The following COG6 variants were observed in gnomAD, a reference collection of about 807,000 sequenced individuals.
The protein encoded by COG6 is conserved oligomeric Golgi complex subunit 6.
COG6 carries 74 observed loss-of-function variants against 88.8 expected under a neutral mutation model. The ratio of observed to expected loss-of-function variants is 0.83; its 90% CI spans 0.69 to 1.01. COG6 has a LOEUF of 1.01. Ranked by LOEUF, COG6 falls within the 50% of genes least tolerant of loss-of-function variation. COG6 has a pLI of 0.00. For synonymous variants in COG6, 286 were observed against 278.7 expected, an observed-to-expected ratio of 1.03 and a Z score of -0.26; for missense variants, 800 against 797.9, an observed-to-expected ratio of 1.00 and a Z score of -0.03.
chr13:39,735,339 C>A (rs1376731889), intron 18 of COG6, among the ~76,000 whole-genome samples: 1 of 152,126 alleles, frequency 6.6e-6, no homozygotes, highest in Non-Finnish European at 1.5e-5. Flanking sequence ...AAACTGACAA[C>A]AACTTAACAT....
rs5803006 is a variant in COG6 at position 39,694,955 on chromosome 13, G to GCA, written c.1166+264_1166+265dup. Among the ~76,000 whole-genome samples, 64,288 of 142,276 alleles carry GCA rather than the reference G, an allele frequency of 0.45. 14,310 individuals are homozygous for GCA. The highest frequency in any genetic ancestry group is 0.6 in the Admixed American group (8,362 of 13,970). The allele number at this position is 142,276 out of a possible 152,430, so 93.3% of individuals were successfully genotyped here. A position where few individuals can be genotyped will look rare whatever the true frequency, so the allele number is the denominator to read the frequency against. On this transcript the variant is annotated intron_variant, in intron 12 of 18. Coordinates refer to ENST00000455146, the MANE Select transcript of COG6 (RefSeq NM_020751.3). ...CTTTTTTCTCCAAGCTTAACTACAC[G>GCA]CACACACACACACACACACACACAC...
chr13:39,706,612 T>TA (rs150142112), intron 13 of COG6, among the ~76,000 whole-genome samples: 35,917 of 151,786 alleles, frequency 0.24, 4,451 homozygotes, highest in Non-Finnish European at 0.28. Flanking sequence ...TCTACACATT[T>TA]AAAAAAAGAG....
chr13:39,766,016 T>G (rs1226079519), intron 18 of COG6, among the ~76,000 whole-genome samples: 1 of 152,212 alleles, frequency 6.6e-6, no homozygotes, highest in Non-Finnish European at 1.5e-5. Flanking sequence ...AGGGTGGCAC[T>G]CCAGGCTTCC....
intron 13 of COG6, among the ~76,000 whole-genome samples, chr13:39,714,638 A>G (rs1878424752): frequency 6.6e-6 from 1 of 152,122 alleles, no homozygotes. Flanking sequence ...TGATGTGGAT[A>G]TGGTGAAAGG....
At position 39,780,855 on chromosome 13, in the gene COG6, G is replaced by A. The variant is rs762944576; in HGVS notation, c.1827-7480G>A. Among the ~76,000 whole-genome samples, 5 of 152,276 alleles carry A rather than the reference G, an allele frequency of 3.3e-5. No individual in the cohort carries two copies. In the East Asian group the frequency reaches 7.7e-4, roughly 24 times the overall value. On this transcript the variant is annotated intron_variant, in intron 18 of 18. Transcript: ENST00000416691. ...CACAAAAATCTGCACGAGGAAAGGC[G>A]ATGGCTCTCGTTACTGTGCACAGAT...
intron 18 of COG6, among the ~76,000 whole-genome samples, chr13:39,771,652 A>C (rs1465990802): frequency 1.3e-5 from 2 of 152,268 alleles, no homozygotes; most frequent in Non-Finnish European, 1.5e-5. Context: ...GAGGAAGATA[A>C]TACAAATATA....
chr13:39,779,839 A>G (rs1881575731), intron 18 of COG6, among the ~76,000 whole-genome samples: 1 of 152,234 alleles, frequency 6.6e-6, no homozygotes, highest in Admixed American at 6.5e-5. Flanking sequence ...TTGAGGTATC[A>G]TGAACAAACG....
intron 13 of COG6, among the ~76,000 whole-genome samples, chr13:39,700,571 C>T (rs927151257): frequency 9.9e-5 from 15 of 151,788 alleles, no homozygotes; most frequent in Non-Finnish European, 1.8e-4. Context: ...ATTATGAGTT[C>T]TTATTTAGAC....
intron 15 of COG6, among the ~76,000 whole-genome samples, chr13:39,722,926 G>A (rs1177183562): frequency 6.6e-6 from 1 of 152,072 alleles, no homozygotes; most frequent in African/African-American, 2.4e-5. Context: ...TCTCCAGATG[G>A]TATATTTGAT....
chr13:39,766,051 G>C (rs1881153765), intron 18 of COG6, among the ~76,000 whole-genome samples: 1 of 152,200 alleles, frequency 6.6e-6, no homozygotes, highest in Non-Finnish European at 1.5e-5. Context: ...GCCTGGCTGA[G>C]ACTCAGCAGC....
chr13:39,755,895 G>A (rs3012149), downstream of COG6, among the ~76,000 whole-genome samples: 148,104 of 152,310 alleles, frequency 0.97, 72,179 homozygotes, highest in East Asian at 1. Context: ...GACAAAGAAT[G>A]TAGATTTTAC....
chr13:39,656,503 C>T (rs1204052682), intron 1 of COG6, among the ~76,000 whole-genome samples: 1 of 151,802 alleles, frequency 6.6e-6, no homozygotes, highest in African/African-American at 2.4e-5. Context: ...CTCACAAGTA[C>T]CTCCTGAAAC....
chr13:39,706,277 A>ATATATATATACTCC (rs1566188170), intron 13 of COG6, among the ~76,000 whole-genome samples: 1 of 141,998 alleles, frequency 7.0e-6, no homozygotes, highest in Non-Finnish European at 1.5e-5. Context: ...ATATATATAT[A>ATATATATATACTCC]TTTAAATATA....
In COG6 at chr13:39,659,451, C is replaced by A. The variant is rs753029623; in HGVS notation, c.241C>A (p.Arg81Ser). Residue 81 changes from arginine to serine, a missense_variant, in exon 2 of 19, where the codon CGT becomes AGT. By Grantham distance (110) the Arg-to-Ser change is moderately radical (BLOSUM62 -1). Coordinates refer to ENST00000455146, the MANE Select transcript of COG6 (RefSeq NM_020751.3). ...AAGAAATTTACGTGGAGATATTGAA[C>A]GTAAAAGTTTAGCCATCAATGAAGA... ...TRRNLRGDIE[R>S]KSLAINEEFV... is the part of the protein sequence containing the mutation. 30 of 1,613,282 alleles carry A rather than the reference C, an allele frequency of 1.9e-5. No individual in the cohort carries two copies. The highest frequency in any genetic ancestry group is 2.5e-5 in the Non-Finnish European group (30 of 1,179,594).
chr13:39,662,173 C>T (rs1208394830), intron 3 of COG6, among the ~76,000 whole-genome samples: 2 of 138,370 alleles, frequency 1.4e-5, no homozygotes, highest in East Asian at 2.1e-4. Flanking sequence ...GACAGAGTCT[C>T]GCTGTATCCT....
Position 39,751,541 on chromosome 13 carries a change from T to C in COG6, c.*448T>C. ...TTCTTTTAATATGAGTAGGCATACTTAGTAGCTTTTCTGAACCTAGCCTAT... is the reference window on the plus strand; with the variant it reads ...TTCTTTTAATATGAGTAGGCATACTCAGTAGCTTTTCTGAACCTAGCCTAT... On this transcript the variant is annotated 3_prime_UTR_variant, in exon 19 of 19. Coordinates refer to ENST00000455146, the MANE Select transcript of COG6 (RefSeq NM_020751.3). The C allele has an allele frequency of 7.8e-7, 1 of 1,287,064 alleles. No individual in the cohort carries two copies. Among genetic ancestry groups the C allele is most frequent in the Non-Finnish European group, 1.0e-6 (1 of 988,566 alleles). The allele number at this position is 1,287,064 out of a possible 1,614,324, so 79.7% of individuals were successfully genotyped here.
In COG6 at chr13:39,660,893, T is replaced by G; in HGVS notation, c.369+12T>G. 2 of 1,525,068 alleles carry G rather than the reference T, an allele frequency of 1.3e-6. No individual in the cohort carries two copies. Among genetic ancestry groups the G allele is most frequent in the Non-Finnish European group, 1.8e-6 (2 of 1,100,602 alleles). 94.5% of individuals were successfully genotyped at this position (1,525,068 alleles called of 1,614,324 possible). On this transcript the variant is annotated intron_variant, in intron 3 of 18. Transcript: ENST00000455146. ...CAAGTCGCCTACAGGTATTATATAA[T>G]GGCTAGATTTTGGCATAGTTCCTGA...
rs184459002 is a variant in COG6, at chr13:39,780,463, T to C, written c.1827-7872T>C. Among the ~76,000 whole-genome samples the C allele has an allele frequency of 7.2e-5, 11 of 152,316 alleles. No homozygotes were observed. The East Asian group carries it at 2.1e-3, about 29-fold the overall frequency. ...AGACAATGTCTGGGGTGAAGTAATT[T>C]ATTAATTTATTAATACAAGAAGTAA... On this transcript the variant is annotated intron_variant, in intron 18 of 18. Coordinates refer to the COG6 transcript ENST00000416691.
rs769637887 is a variant in COG6, at chr13:39,682,190, A to G, written c.714A>G (p.Thr238=). 3 of 1,611,336 alleles carry G rather than the reference A, an allele frequency of 1.9e-6. No individual in the cohort carries two copies. Among genetic ancestry groups the G allele is most frequent in the East Asian group, 2.2e-5 (1 of 44,792 alleles). The change falls in exon 8 of 19, where the codon ACA becomes ACG. Residue 238 remains threonine (T), a synonymous_variant. Transcript: ENST00000455146. ...TTTCAGGTGAATGCAGAACATTGAC[A>G]CAAGAATCATGTGACGTATCTCCAG... ...RWAQSECRTL[T]QESCDVSPVL... is the part of the protein sequence containing the mutation.
Sources: gnomAD v4.1 joint callset for allele counts (sites outside exome capture counted in the v4.1 genomes callset) on GRCh38, gnomAD v4.1.1 for gene constraint, MANE v1.5 for transcripts, NCBI Gene and HGNC (gene_info 2026-07-23, HGNC 2026-07-21) for gene names.